The following TTPAL variants were observed in gnomAD, a reference collection of about 807,000 sequenced individuals.
The protein encoded by TTPAL is alpha-tocopherol transfer protein-like.
Under a neutral mutation model 28.7 loss-of-function variants are expected in TTPAL, and 21 were observed. The ratio of observed to expected loss-of-function variants is 0.73; its 90% CI spans 0.52 to 1.06. The LOEUF (loss-of-function observed/expected upper bound fraction) is 1.06. TTPAL is among the 50% of genes least tolerant of loss of function. The pLI is 0.00. For missense variants in TTPAL, 345 were observed against 425.5 expected (o/e 0.81, Z 1.67); for synonymous variants, 169 against 171.9 (o/e 0.98, Z 0.13).
At position 44,480,227 on chromosome 20, in the gene TTPAL, C is replaced by T. The variant is rs751998574; in HGVS notation, c.228C>T (p.Leu76=). ...RKEYPNLSTS[L]DDAFLLRFLR... is the part of the protein sequence containing the mutation. ...AGTACCCCAACCTGAGCACATCCCT[C>T]GACGATGCCTTCCTGCTGCGCTTCC... Residue 76 remains leucine (L), a synonymous_variant, in exon 2 of 5, where the codon CTC becomes CTT. Transcript: ENST00000262605. This position sits in a 1 kb window ranked among gnomAD's most constrained non-coding sequence, Gnocchi z 4.1. The T allele has an allele frequency of 3.1e-6, 5 of 1,614,148 alleles. No individual in the cohort carries two copies. Among genetic ancestry groups the T allele is most frequent in the South Asian group, 2.2e-5 (2 of 91,070 alleles).
In TTPAL at chr20:44,484,410, T is replaced by G. The variant is rs377607598; in HGVS notation, c.519T>G (p.Ile173Met). ...RAIYLTLEKL[I>M]QSEETQVNGI... ...TATACTTGACCTTAGAAAAACTCAT[T>G]CAGTCTGAAGAAACCCAGGTGAATG... Residue 173 changes from isoleucine (I) to methionine (M), a missense_variant, in exon 3 of 5, where the codon ATT becomes ATG. By Grantham distance (10) the Ile-to-Met change is conservative. Transcript: ENST00000262605. The G allele has an allele frequency of 1.9e-6, 3 of 1,607,478 alleles. No individual in the cohort carries two copies. In the African/African-American group the frequency reaches 4.0e-5, roughly 21 times the overall value.
intron 1 of TTPAL, among the ~76,000 whole-genome samples, chr20:44,477,874 C>T (rs543407683): frequency 6.6e-6 from 1 of 152,036 alleles, no homozygotes; most frequent in Non-Finnish European, 1.5e-5. Flanking sequence ...AGGCTGGTCT[C>T]GAACTCCTGA....
chr20:44,476,736 T>C (rs2064047590), intron 1 of TTPAL, among the ~76,000 whole-genome samples: 1 of 152,244 alleles, frequency 6.6e-6, no homozygotes, highest in Non-Finnish European at 1.5e-5. Flanking sequence ...AATGCTCAAG[T>C]ATGCATTCTC....
In TTPAL at chr20:44,489,496, C is replaced by T. The variant is rs138149487; in HGVS notation, c.984C>T (p.Asp328=). 2.5e-6 allele frequency: 4 copies of T among 1,614,222 alleles called. No homozygotes were observed. The highest frequency in any genetic ancestry group is 2.2e-5 in the South Asian group (2 of 91,082). ...PEGLTSDAQC[D]DSLRAVKSQL... ...GCCTGACCTCAGATGCACAGTGTGA[C>T]GACTCCTTGCGAGCTGTGAAGTCAC... The change falls in exon 5 of 5, where the codon GAC becomes GAT. Residue 328 remains aspartate (D), a synonymous_variant. Transcript: ENST00000262605.
At chr20:44,489,125 AAAAAGTAAGGGTAGAGTTGCCATT>A in intron 4 of TTPAL, 114 bp from the exon 5 acceptor site, 1 of 982,792 alleles carries the variant, frequency 1.0e-6, no homozygotes, top group Non-Finnish European at 1.5e-6. Flanking sequence ...TTCTGGGCTG[AAAAAGTAAGGGTAGAGTTGCCATT>A]AACATTTCCT....
At chr20:44,484,803 G>A (rs1416195487) in intron 3 of TTPAL, among the ~76,000 whole-genome samples, 2 of 152,194 alleles carry the variant, frequency 1.3e-5, no homozygotes, top group Non-Finnish European at 2.9e-5. Flanking sequence ...CTGGAAGGCA[G>A]AGGAAGAATT....
At chr20:44,479,934 G>A (rs1244109267) in intron 1 of TTPAL, 51 bp from the exon 2 acceptor site, 2 of 1,494,072 alleles carry the variant, frequency 1.3e-6, no homozygotes, top group Non-Finnish European at 9.2e-7. Context: ...TACTGCCCTA[G>A]GATTTGAAAT....
At chr20:44,484,608 A>C in intron 3 of TTPAL, 78 bp downstream of exon 3, 1 of 1,093,996 alleles carries the variant, frequency 9.1e-7, no homozygotes. Flanking sequence ...TGTGGGTCTC[A>C]CATGATACAC....
At position 44,489,488 on chromosome 20, in the gene TTPAL, C is replaced by G; in HGVS notation, c.976C>G (p.Gln326Glu). 6.2e-7 allele frequency: 1 copy of G among 1,614,236 alleles called. No homozygotes were observed. The highest frequency in any genetic ancestry group is 8.5e-7 in the Non-Finnish European group (1 of 1,180,042). Residue 326 changes from glutamine to glutamate, a missense_variant, in exon 5 of 5, where the codon CAG becomes GAG. Coordinates refer to ENST00000262605, the MANE Select transcript of TTPAL (RefSeq NM_001039199.3). ...LLPEGLTSDA[Q>E]CDDSLRAVKS... ...GCCCGAGGGCCTGACCTCAGATGCA[C>G]AGTGTGACGACTCCTTGCGAGCTGT...
rs1168112659 is a variant in TTPAL at position 44,493,831 on chromosome 20, G to GT, written c.*4293dup. 6.6e-6 allele frequency: 1 copy of GT among 152,298 alleles called. No individual in the cohort carries two copies. The highest frequency in any genetic ancestry group is 2.4e-5 in the African/African-American group (1 of 41,420). The allele number at this position is 152,298 out of a possible 1,614,324, so 9.4% of individuals were successfully genotyped here. A position where few individuals can be genotyped will look rare whatever the true frequency, so the allele number is the denominator to read the frequency against. On this transcript the variant is annotated 3_prime_UTR_variant, in exon 5 of 5. Transcript: ENST00000262605. Reference sequence around the variant, plus strand: ...GGGGGCGGATCATTTGAGGTCAGGAGTTTGAGACCAGCCTGGCCAACATGG... The same window carrying GT: ...GGGGGCGGATCATTTGAGGTCAGGAGTTTTGAGACCAGCCTGGCCAACATGG...
chr20:44,484,483 T>A lies in TTPAL; in HGVS notation c.592T>A (p.Ser198Thr), dbSNP rs574587949. The change falls in exon 3 of 5, where the codon TCT becomes ACT. Residue 198 changes from serine to threonine, a missense_variant. Ser to Thr is a moderately conservative substitution (Grantham distance 58, BLOSUM62 1). Coordinates refer to ENST00000262605, the MANE Select transcript of TTPAL (RefSeq NM_001039199.3). Reference protein sequence around the residue: ...DYKGVSLSKASHFGPFIAKKV... With the variant: ...DYKGVSLSKATHFGPFIAKKV... Reference sequence around the variant, plus strand: ...CAAAGGAGTGAGTTTATCAAAAGCATCTCACTTTGGCCCTTTTATAGCCAA... The same window carrying A: ...CAAAGGAGTGAGTTTATCAAAAGCAACTCACTTTGGCCCTTTTATAGCCAA... 3.1e-6 allele frequency: 5 copies of A among 1,591,774 alleles called. No individual in the cohort carries two copies. In the African/African-American group the frequency reaches 6.7e-5, roughly 21 times the overall value.
At chr20:44,488,347 T>A (rs767307617) in intron 4 of TTPAL, among the ~76,000 whole-genome samples, 2 of 152,228 alleles carry the variant, frequency 1.3e-5, no homozygotes. Context: ...GTCTTTTACA[T>A]CTGTGAAATG....
At chr20:44,483,887 A>T (rs2064128605) in intron 2 of TTPAL, among the ~76,000 whole-genome samples, 1 of 152,012 alleles carries the variant, frequency 6.6e-6, no homozygotes, top group Non-Finnish European at 1.5e-5. Context: ...CAACCTCCTG[A>T]GCTCAAGAGA....
At chr20:44,486,494 G>C in intron 3 of TTPAL, 102 bp from the exon 4 acceptor site, 1 of 746,988 alleles carries the variant, frequency 1.3e-6, no homozygotes, top group Non-Finnish European at 2.4e-6. Context: ...ATAAGGATCA[G>C]ATCAGACTGA....
chr20:44,477,024 C>T (rs900732884), intron 1 of TTPAL, among the ~76,000 whole-genome samples: 4 of 152,180 alleles, frequency 2.6e-5, no homozygotes. Flanking sequence ...GGCAGCTGAG[C>T]CTGAGCTGTC....
chr20:44,492,503 A>G lies in TTPAL; in HGVS notation c.*2962A>G, dbSNP rs2064216285. ...ATCCCTGAGTGATTCCATGATAGAG[A>G]TCTATACTCCAAACTTTATTCCTGG... On this transcript the variant is annotated 3_prime_UTR_variant, in exon 5 of 5. Transcript: ENST00000262605. The G allele has an allele frequency of 1.3e-5, 2 of 151,984 alleles. No individual in the cohort carries two copies. The highest frequency in any genetic ancestry group is 1.3e-4 in the Admixed American group (2 of 15,210). 9.4% of individuals were successfully genotyped at this position (151,984 alleles called of 1,614,324 possible).
At chr20:44,482,521 C>T (rs929672881) in intron 2 of TTPAL, among the ~76,000 whole-genome samples, 3 of 147,882 alleles carry the variant, frequency 2.0e-5, no homozygotes, top group African/African-American at 5.0e-5. Flanking sequence ...TGCAATGAGC[C>T]GAGATCACGC....
At chr20:44,478,992 C>T (rs868215036) in intron 1 of TTPAL, among the ~76,000 whole-genome samples, 3 of 152,048 alleles carry the variant, frequency 2.0e-5, no homozygotes, top group Non-Finnish European at 4.4e-5. Flanking sequence ...GGTTTCACCG[C>T]GTTAGCGAGG....
intron 3 of TTPAL, 116 bp downstream of exon 3, chr20:44,484,646 GA>G: frequency 1.4e-6 from 1 of 716,464 alleles, no homozygotes; most frequent in Non-Finnish European, 2.2e-6. Flanking sequence ...CCTGCAATCT[GA>G]AAAACACAAA....
Sources: allele counts gnomAD v4.1 joint callset (sites outside exome capture counted in the v4.1 genomes callset), GRCh38; gene constraint gnomAD v4.1.1; non-coding constraint Gnocchi (gnomAD v3.1); transcripts MANE v1.5; gene names NCBI Gene and HGNC (gene_info 2026-07-23, HGNC 2026-07-21).